The following ZC3H12B variants were observed in gnomAD, a reference collection of about 807,000 sequenced individuals.
The protein encoded by ZC3H12B is probable ribonuclease ZC3H12B.
ZC3H12B carries 7 observed loss-of-function variants against 43.9 expected under a neutral mutation model. The observed-to-expected ratio is 0.16, with a 90% CI of 0.09 to 0.30. The LOEUF (loss-of-function observed/expected upper bound fraction) is 0.30. Ranked by LOEUF, ZC3H12B falls within the 10% of genes least tolerant of loss-of-function variation. ZC3H12B has a pLI of 1.00. For synonymous variants in ZC3H12B, 222 were observed against 241.7 expected, an observed-to-expected ratio of 0.92 and a Z score of 0.76; for missense variants, 475 against 670.2, an observed-to-expected ratio of 0.71 and a Z score of 3.22.
the ZC3H12B span, among the ~76,000 whole-genome samples, chrX:65,277,262 A>G: frequency 2.7e-5 from 3 of 111,943 alleles, no homozygotes; most frequent in African/African-American, 9.7e-5. Context: ...GTAATACGGT[A>G]ATAGTTGGGG....
At chrX:65,223,468 A>T in the ZC3H12B span, among the ~76,000 whole-genome samples, 2 of 112,712 alleles carry the variant, frequency 1.8e-5, no homozygotes, top group African/African-American at 6.4e-5. Flanking sequence ...ACAGATAAAT[A>T]GATGGGACTT....
the ZC3H12B span, among the ~76,000 whole-genome samples, chrX:65,198,400 C>G: frequency 8.9e-6 from 1 of 111,900 alleles, no homozygotes; most frequent in Non-Finnish European, 1.9e-5. Flanking sequence ...GAAGAATTCC[C>G]TTTAATATTT....
At chrX:65,281,411 G>A in the ZC3H12B span, among the ~76,000 whole-genome samples, 1 of 110,223 alleles carries the variant, frequency 9.1e-6, no homozygotes, top group African/African-American at 3.3e-5. Context: ...TTTTTAGACA[G>A]GGTTACGTCA....
chrX:65,092,007 G>A, the ZC3H12B span, among the ~76,000 whole-genome samples: 70 of 111,364 alleles, frequency 6.3e-4, no homozygotes, highest in Middle Eastern at 9.2e-3. Flanking sequence ...TTGGTTCAGC[G>A]CCATCCCTTT....
At chrX:65,372,566 C>T (rs1335955249) in intron 2 of ZC3H12B, among the ~76,000 whole-genome samples, 1 of 85,627 alleles carries the variant, frequency 1.2e-5, no homozygotes, top group Non-Finnish European at 2.2e-5. Context: ...AATTTGAATG[C>T]GGACATATTT....
At chrX:65,116,029 C>T in the ZC3H12B span, among the ~76,000 whole-genome samples, 1 of 111,671 alleles carries the variant, frequency 9.0e-6, no homozygotes, top group Non-Finnish European at 1.9e-5. Context: ...ATTTATTTTA[C>T]TGTGCAGAAG....
At chrX:65,229,413 C>A in the ZC3H12B span, among the ~76,000 whole-genome samples, 1 of 107,575 alleles carries the variant, frequency 9.3e-6, no homozygotes, top group Non-Finnish European at 1.9e-5. Context: ...AAACGTTAGA[C>A]CTAAAACCAT....
the ZC3H12B span, among the ~76,000 whole-genome samples, chrX:65,138,883 C>A: frequency 8.9e-6 from 1 of 112,130 alleles, no homozygotes; most frequent in South Asian, 3.7e-4. Flanking sequence ...CATCTGAATG[C>A]CTTCCTTTGA....
intron 3 of ZC3H12B, among the ~76,000 whole-genome samples, chrX:65,463,916 C>T (rs747433823): frequency 1.8e-5 from 2 of 111,231 alleles, no homozygotes; most frequent in Non-Finnish European, 3.8e-5. Context: ...GCTGTATCAG[C>T]TTCTGTCTGT....
At chrX:65,043,482 T>C in the ZC3H12B span, among the ~76,000 whole-genome samples, 2 of 110,082 alleles carry the variant, frequency 1.8e-5, no homozygotes, top group Non-Finnish European at 3.8e-5. Flanking sequence ...TATATAATTA[T>C]ATAAGTTAAT....
chrX:65,392,693 C>T lies in ZC3H12B; in HGVS notation n.296-5900C>T, dbSNP rs367909578. Among the ~76,000 whole-genome samples the T allele has an allele frequency of 1.3e-4, 14 of 111,748 alleles. No individual in the cohort carries two copies. The East Asian group carries it at 1.4e-3, about 11-fold the overall frequency. ...GGGGGGCCCCTCTGCCTGGCTGCCA[C>T]GTCTGGGAAGTGAGGAGCCCCTCTG... On this transcript the variant is annotated intron_variant and non_coding_transcript_variant, in intron 2 of 5. Coordinates refer to the ZC3H12B transcript ENST00000617377.
chrX:65,357,433 GC>G, the ZC3H12B span: 1 of 158,402 alleles, frequency 6.3e-6, no homozygotes, highest in Non-Finnish European at 1.2e-5. Context: ...GGCACCCACT[GC>G]CCATGAGAGT....
the ZC3H12B span, among the ~76,000 whole-genome samples, chrX:65,291,916 CA>C: frequency 9.0e-6 from 1 of 111,570 alleles, no homozygotes; most frequent in Non-Finnish European, 1.9e-5. Context: ...GGGAAATTAT[CA>C]GGGATAAAAG....
At chrX:65,452,306 C>G (rs951019813) in intron 3 of ZC3H12B, among the ~76,000 whole-genome samples, 7 of 111,298 alleles carry the variant, frequency 6.3e-5, no homozygotes, top group Non-Finnish European at 1.1e-4. Context: ...CAAAAAGCTG[C>G]TAGAACTGAT....
the ZC3H12B span, among the ~76,000 whole-genome samples, chrX:65,048,227 C>T: frequency 9.0e-6 from 1 of 111,179 alleles, no homozygotes; most frequent in Non-Finnish European, 1.9e-5. Flanking sequence ...GATTGTATGA[C>T]TGGATATGAC....
At chrX:65,408,061 A>C (rs2066857517) in intron 3 of ZC3H12B, 2 of 1,176,581 alleles carry the variant, frequency 1.7e-6, no homozygotes, top group South Asian at 1.9e-5. Flanking sequence ...CGGGGAACAG[A>C]GCCCCGGCCG....
chrX:65,334,641 G>T, the ZC3H12B span, among the ~76,000 whole-genome samples: 1 of 111,202 alleles, frequency 9.0e-6, no homozygotes, highest in Non-Finnish European at 1.9e-5. Flanking sequence ...GACAGAAGAA[G>T]ATCCAGTAGT....
chrX:65,140,302 C>T, the ZC3H12B span, among the ~76,000 whole-genome samples: 2 of 110,878 alleles, frequency 1.8e-5, no homozygotes, highest in African/African-American at 3.3e-5. Flanking sequence ...GTTTTTATTA[C>T]GAAGGGATGT....
At chrX:65,238,293 A>C in the ZC3H12B span, among the ~76,000 whole-genome samples, 2 of 111,665 alleles carry the variant, frequency 1.8e-5, no homozygotes, top group African/African-American at 6.5e-5. Flanking sequence ...TGGTTTATTT[A>C]GGGATTCAAC....
Sources: gnomAD v4.1 joint callset for allele counts (sites outside exome capture counted in the v4.1 genomes callset) on GRCh38, gnomAD v4.1.1 for gene constraint, MANE v1.5 for transcripts, NCBI Gene and HGNC (gene_info 2026-07-23, HGNC 2026-07-21) for gene names.